Variants in KCNQ1 observed in about 807,000 individuals in gnomAD.
The protein encoded by KCNQ1 is potassium voltage-gated channel subfamily KQT member 1.
In KCNQ1, 49 loss-of-function variants were observed where a neutral mutation model predicts 72.4. The ratio of observed to expected loss-of-function variants is 0.68; its 90% CI spans 0.54 to 0.86. The LOEUF is 0.86. KCNQ1 is among the 40% of genes least tolerant of loss of function. The probability of loss-of-function intolerance (pLI) is 0.00; values close to 1 mark genes in which losing one functional copy is unlikely to be tolerated. For missense variants in KCNQ1, 790 were observed against 945.1 expected (o/e 0.84, Z 2.15); for synonymous variants, 450 against 412.6 (o/e 1.09, Z -1.10).
Position 2,673,744 on chromosome 11 carries a change from G to A in KCNQ1, c.1514+11663G>A, listed in dbSNP as rs985687453. The A allele has an allele frequency of 5.0e-6, 2 of 398,486 alleles. No individual in the cohort carries two copies. Among genetic ancestry groups the A allele is most frequent in the Non-Finnish European group, 8.8e-6 (2 of 226,154 alleles). The allele number at this position is 398,486 out of a possible 1,614,324, so 24.7% of individuals were successfully genotyped here. ...GGAAGGCCCAGACTGGACAGGGGAA[G>A]GGGTACAGTCCCTTCTTGCTGGTAT... On this transcript the variant is annotated intron_variant, in intron 11 of 15. Coordinates refer to ENST00000155840, the MANE Select transcript of KCNQ1 (RefSeq NM_000218.3). The surrounding 1 kb of genome is among the most constrained non-coding windows in gnomAD (Gnocchi z 4.5).
At chr11:2,576,733 C>G (rs190248607) in intron 6 of KCNQ1, among the ~76,000 whole-genome samples, 1 of 152,192 alleles carries the variant, frequency 6.6e-6, no homozygotes, top group Non-Finnish European at 1.5e-5. Context: ...CAGGGGTGTG[C>G]GTGAGGGCAG....
intron 11 of KCNQ1, chr11:2,672,581 T>C: frequency 2.5e-6 from 1 of 398,660 alleles, no homozygotes; most frequent in Admixed American, 4.4e-5. Context: ...ATGGCCTGAA[T>C]TTTGATTGGG....
chr11:2,511,197 G>C (rs1262589058), intron 1 of KCNQ1, among the ~76,000 whole-genome samples: 1 of 152,190 alleles, frequency 6.6e-6, no homozygotes, highest in African/African-American at 2.4e-5. Flanking sequence ...GCTCTTGTGG[G>C]ATGCACCTTG....
rs573871914 is a variant in KCNQ1 at position 2,826,211 on chromosome 11, G to T, written c.1795-21556G>T. 5.9e-5 allele frequency among the ~76,000 whole-genome samples: 9 copies of T among 152,358 alleles called. No homozygotes were observed. The highest frequency in any genetic ancestry group is 6.8e-3 in the Middle Eastern group (2 of 294). ...AGTGCTATTGTTTTTCATGTCAGCT[G>T]CATTTTAAGGCTACATTTCACGTCA... On this transcript the variant is annotated intron_variant, in intron 15 of 15. Coordinates refer to ENST00000155840, the MANE Select transcript of KCNQ1 (RefSeq NM_000218.3). The surrounding 1 kb of genome is among the most constrained non-coding windows in gnomAD (Gnocchi z 4.2).
rs1036972323 is a variant in KCNQ1, at chr11:2,698,616, C to G, written c.1514+36535C>G. On this transcript the variant is annotated intron_variant, in intron 11 of 15. Coordinates refer to ENST00000155840, the MANE Select transcript of KCNQ1 (RefSeq NM_000218.3). This position sits in a 1 kb window ranked among gnomAD's most constrained non-coding sequence, Gnocchi z 5.1. Reference sequence around the variant, plus strand: ...GAACTTCGACTTCAATTCCTGACTCCCATACCCCACTGAGACCTCTAACCC... The same window carrying G: ...GAACTTCGACTTCAATTCCTGACTCGCATACCCCACTGAGACCTCTAACCC... 2.0e-5 allele frequency: 8 copies of G among 398,560 alleles called. No homozygotes were observed. The highest frequency in any genetic ancestry group is 1.4e-4 in the African/African-American group (7 of 48,698). The allele number at this position is 398,560 out of a possible 1,614,324, so 24.7% of individuals were successfully genotyped here.
intron 11 of KCNQ1, among the ~76,000 whole-genome samples, chr11:2,733,898 C>T (rs1845909035): frequency 6.8e-6 from 1 of 147,962 alleles, no homozygotes; most frequent in Admixed American, 6.8e-5. Flanking sequence ...GTTCCCCTGC[C>T]CTGCCAGGCG....
chr11:2,614,827 A>G (rs1198729008), intron 10 of KCNQ1: 1 of 398,296 alleles, frequency 2.5e-6, no homozygotes, highest in Non-Finnish European at 4.4e-6. Flanking sequence ...GGCAGGCCTG[A>G]GTCTTCCAAC....
intron 2 of KCNQ1, among the ~76,000 whole-genome samples, chr11:2,560,583 A>G (rs1428375545): frequency 6.7e-6 from 1 of 149,052 alleles, no homozygotes; most frequent in East Asian, 2.0e-4. Flanking sequence ...GTAACATCCC[A>G]AACATGGGGG....
At chr11:2,607,850 T>C (rs1848906406) in intron 10 of KCNQ1, among the ~76,000 whole-genome samples, 2 of 152,220 alleles carry the variant, frequency 1.3e-5, no homozygotes, top group Admixed American at 6.5e-5. Context: ...ATTGCTTGAT[T>C]TTACTTGCTA....
At position 2,673,007 on chromosome 11, in the gene KCNQ1, A is replaced by G. The variant is rs1005134647; in HGVS notation, c.1514+10926A>G. Reference sequence around the variant, plus strand: ...TGCCTAAAGGAGAAGCCAGTGAATCAATGTGTTACTTGAACAAATATAGGG... The same window carrying G: ...TGCCTAAAGGAGAAGCCAGTGAATCGATGTGTTACTTGAACAAATATAGGG... On this transcript the variant is annotated intron_variant, in intron 11 of 15. Transcript: ENST00000155840. The surrounding 1 kb of genome is among the most constrained non-coding windows in gnomAD (Gnocchi z 4.5). 11 of 398,594 alleles carry G rather than the reference A, an allele frequency of 2.8e-5. No homozygotes were observed. The highest frequency in any genetic ancestry group is 4.9e-5 in the Non-Finnish European group (11 of 226,112). 24.7% of individuals were successfully genotyped at this position (398,594 alleles called of 1,614,324 possible). A position where few individuals can be genotyped will look rare whatever the true frequency, so the allele number is the denominator to read the frequency against.
intron 7 of KCNQ1, among the ~76,000 whole-genome samples, chr11:2,584,677 TTG>T (rs758714048): frequency 4.0e-5 from 6 of 151,662 alleles, no homozygotes; most frequent in Admixed American, 6.6e-5. Flanking sequence ...GGGTTAGTGT[TTG>T]TGTGTGTGTC....
In KCNQ1 at chr11:2,690,641, ATT is replaced by A. The variant is rs1471480453; in HGVS notation, c.1514+28562_1514+28563del. On this transcript the variant is annotated intron_variant, in intron 11 of 15. Transcript: ENST00000155840. The surrounding 1 kb of genome is among the most constrained non-coding windows in gnomAD (Gnocchi z 5.1). ...TGTTCATATATGTGTCAGAATGCGT[ATT>A]TGTCAGTGTATGTGTGTCAGTGCAC... The A allele has an allele frequency of 2.5e-6, 1 of 398,470 alleles. No homozygotes were observed. The highest frequency in any genetic ancestry group is 4.4e-6 in the Non-Finnish European group (1 of 226,084). 24.7% of individuals were successfully genotyped at this position (398,470 alleles called of 1,614,324 possible).
At chr11:2,533,160 T>G (rs966776116) in intron 2 of KCNQ1, among the ~76,000 whole-genome samples, 1 of 152,180 alleles carries the variant, frequency 6.6e-6, no homozygotes, top group Non-Finnish European at 1.5e-5. Context: ...GGAGCCCCTG[T>G]TTTCTCGTTT....
intron 15 of KCNQ1, among the ~76,000 whole-genome samples, chr11:2,820,743 T>A (rs924062871): frequency 2.0e-5 from 3 of 152,214 alleles, no homozygotes; most frequent in Non-Finnish European, 4.4e-5. Context: ...TGTCCTCTCC[T>A]TACGTCTGGG....
At chr11:2,558,591 T>G (rs1024450542) in intron 2 of KCNQ1, among the ~76,000 whole-genome samples, 1 of 152,192 alleles carries the variant, frequency 6.6e-6, no homozygotes, top group Non-Finnish European at 1.5e-5. Context: ...CTCCTGACCT[T>G]GAGAACACCC....
At chr11:2,572,749 G>A (rs1050618093) in intron 5 of KCNQ1, 97 bp from the exon 6 acceptor site, 32 of 1,516,476 alleles carry the variant, frequency 2.1e-5, no homozygotes, top group East Asian at 4.6e-5. Flanking sequence ...GGCGTAGGAC[G>A]CCCAGTGATC....
intron 7 of KCNQ1, among the ~76,000 whole-genome samples, chr11:2,584,388 AGT>A (rs1237831352): frequency 2.7e-5 from 4 of 149,178 alleles, no homozygotes; most frequent in East Asian, 2.0e-4. Context: ...TTTGTGTGTT[AGT>A]GTGTGGGTTT....
At chr11:2,644,215 G>T (rs1849628558) in intron 10 of KCNQ1, 2 of 398,118 alleles carry the variant, frequency 5.0e-6, no homozygotes, top group Non-Finnish European at 8.8e-6. Flanking sequence ...TCACCTTCTG[G>T]GACACTGAAG....
rs557907750 is a variant in KCNQ1, at chr11:2,450,379, G to C, written c.386+4895G>C. ...CGGCCCGGGGAGATGCCGCAGAGAA[G>C]CTTCCAGAAGCCCAACATCTGCTGC... On this transcript the variant is annotated intron_variant, in intron 1 of 15. Transcript: ENST00000155840. The surrounding 1 kb of genome is among the most constrained non-coding windows in gnomAD (Gnocchi z 7.9). Among the ~76,000 whole-genome samples the C allele has an allele frequency of 1.3e-5, 2 of 152,192 alleles. No homozygotes were observed. Among genetic ancestry groups the C allele is most frequent in the African/African-American group, 4.8e-5 (2 of 41,450 alleles).
Sources: gnomAD v4.1 joint callset for allele counts (sites outside exome capture counted in the v4.1 genomes callset) on GRCh38, gnomAD v4.1.1 for gene constraint, Gnocchi (gnomAD v3.1) non-coding constraint, MANE v1.5 for transcripts, NCBI Gene and HGNC (gene_info 2026-07-23, HGNC 2026-07-21) for gene names.